GPCPD1: variants seen among roughly 807,000 people sequenced by gnomAD.
The protein encoded by GPCPD1 is glycerophosphocholine phosphodiesterase 1.
A neutral mutation model predicts 89.2 loss-of-function variants in GPCPD1; 29 were observed. The ratio of observed to expected loss-of-function variants is 0.33; its 90% CI spans 0.24 to 0.44. The LOEUF is 0.44. Ranked by LOEUF, GPCPD1 falls within the 20% of genes least tolerant of loss-of-function variation. The pLI is 1.00. For missense variants in GPCPD1, 594 were observed against 808.9 expected, an observed-to-expected ratio of 0.73 and a Z score of 3.22; for synonymous variants, 258 against 266.3, an observed-to-expected ratio of 0.97 and a Z score of 0.30.
intron 11 of GPCPD1, among the ~76,000 whole-genome samples, chr20:5,572,377 G>A (rs1233561153): frequency 6.6e-6 from 1 of 152,130 alleles, no homozygotes; most frequent in East Asian, 1.9e-4. Context: ...AATTCAAGAT[G>A]TCATGAATTT....
chr20:5,610,336 A>G (rs1980880523), intron 1 of GPCPD1, among the ~76,000 whole-genome samples: 1 of 152,176 alleles, frequency 6.6e-6, no homozygotes, highest in Admixed American at 6.5e-5. Flanking sequence ...ACTGAATTAT[A>G]CAAGCATGCC....
chr20:5,591,297 G>A (rs746570389), intron 4 of GPCPD1, among the ~76,000 whole-genome samples: 10 of 152,174 alleles, frequency 6.6e-5, no homozygotes, highest in Non-Finnish European at 1.5e-4. Flanking sequence ...AAAGGAATAT[G>A]CCAGAAAAAG....
intron 8 of GPCPD1, 120 bp downstream of exon 8, chr20:5,578,260 G>A (rs1978304379): frequency 1.5e-6 from 1 of 663,254 alleles, no homozygotes; most frequent in Admixed American, 2.4e-5. Context: ...CTGTACAGAA[G>A]AGCATACCTC....
rs769461751 is a variant in GPCPD1, at chr20:5,559,954, T to C, written c.1518A>G (p.Ala506=). ...KRRIVFSSFD[A]DICTMVRQKQ... ...GTATTACTCACATTGTGCAAATATC[T>C]GCATCAAATGAAGAAAACACTATTC... The change falls in exon 17 of 20, where the codon GCA becomes GCG. Residue 506 remains alanine (A), a synonymous_variant. Coordinates refer to ENST00000379019, the MANE Select transcript of GPCPD1 (RefSeq NM_019593.5). 2 of 1,546,376 alleles carry C rather than the reference T, an allele frequency of 1.3e-6. No homozygotes were observed. The highest frequency in any genetic ancestry group is 1.8e-6 in the Non-Finnish European group (2 of 1,139,108).
At chr20:5,549,748 CAA>C (rs397864689) in intron 19 of GPCPD1, among the ~76,000 whole-genome samples, 18,209 of 95,152 alleles carry the variant, frequency 0.19, 849 homozygotes, top group Middle Eastern at 0.27. Context: ...GAACCTGCCT[CAA>C]AAAAAAAAAA....
intron 3 of GPCPD1, among the ~76,000 whole-genome samples, chr20:5,596,267 G>C (rs935440038): frequency 2.0e-5 from 3 of 152,088 alleles, no homozygotes; most frequent in Admixed American, 6.6e-5. Context: ...GGGCATGATG[G>C]TGTACACCTA....
At chr20:5,608,007 A>G (rs991406866) in intron 1 of GPCPD1, among the ~76,000 whole-genome samples, 4 of 148,576 alleles carry the variant, frequency 2.7e-5, no homozygotes, top group African/African-American at 4.9e-5. Context: ...ACATGATTAA[A>G]TAGTTTGTAT....
intron 8 of GPCPD1, among the ~76,000 whole-genome samples, chr20:5,576,664 A>G (rs1407021235): frequency 6.6e-6 from 1 of 152,148 alleles, no homozygotes; most frequent in African/African-American, 2.4e-5. Context: ...ATGTTGTTGT[A>G]AGACTAAGAT....
intron 19 of GPCPD1, among the ~76,000 whole-genome samples, chr20:5,552,650 T>A (rs1985493448): frequency 6.6e-6 from 1 of 152,256 alleles, no homozygotes; most frequent in African/African-American, 2.4e-5. Flanking sequence ...CCAAATTATT[T>A]AAAATTTTAA....
chr20:5,566,599 T>C, intron 14 of GPCPD1, 134 bp downstream of exon 14: 6 of 605,056 alleles, frequency 9.9e-6, no homozygotes, highest in Non-Finnish European at 1.8e-5. Flanking sequence ...TTCCGAACTA[T>C]AAAATTACAT....
intron 19 of GPCPD1, among the ~76,000 whole-genome samples, chr20:5,553,586 A>T (rs1322566447): frequency 2.6e-5 from 4 of 152,356 alleles, no homozygotes; most frequent in Admixed American, 1.3e-4. Flanking sequence ...TTATGAATGC[A>T]AAGTCCTTGA....
At chr20:5,608,456 C>T (rs1290228932) in intron 1 of GPCPD1, among the ~76,000 whole-genome samples, 1 of 152,174 alleles carries the variant, frequency 6.6e-6, no homozygotes, top group African/African-American at 2.4e-5. Context: ...GTTCCAAATG[C>T]AATTCACTTG....
At chr20:5,577,065 G>GC (rs1240328927) in intron 8 of GPCPD1, among the ~76,000 whole-genome samples, 1 of 113,878 alleles carries the variant, frequency 8.8e-6, no homozygotes, top group Non-Finnish European at 1.7e-5. Context: ...TTTTTTTTTT[G>GC]TTTTTTTTTT....
At chr20:5,553,402 A>C (rs1337542161) in intron 19 of GPCPD1, among the ~76,000 whole-genome samples, 3 of 152,084 alleles carry the variant, frequency 2.0e-5, no homozygotes, top group Non-Finnish European at 4.4e-5. Flanking sequence ...ACACATCCAT[A>C]CTGAAATCAG....
chr20:5,572,062 TACA>T (rs574971565), intron 11 of GPCPD1, among the ~76,000 whole-genome samples: 129 of 151,818 alleles, frequency 8.5e-4, no homozygotes, highest in Non-Finnish European at 2.4e-4. Context: ...CTACAAAAAA[TACA>T]ACAATTAGCC....
intron 19 of GPCPD1, among the ~76,000 whole-genome samples, chr20:5,550,720 T>C (rs556077359): frequency 3.2e-4 from 48 of 152,370 alleles, no homozygotes; most frequent in African/African-American, 1.1e-3. Context: ...ACAGCCATGA[T>C]ATTTCTGGAC....
rs180949229 is a variant in GPCPD1 at position 5,556,605 on chromosome 20, T to C, written c.1829+1340A>G. On this transcript the variant is annotated intron_variant, in intron 19 of 19. Coordinates refer to ENST00000379019, the MANE Select transcript of GPCPD1 (RefSeq NM_019593.5). The stretch of plus-strand genomic sequence containing the variant: ...TCACTATCGCTGAGGTACACCTGTA[T>C]GAGCAAGTCTGCTAATCCCTCAGCA... Among the ~76,000 whole-genome samples, 1,520 of 152,352 alleles carry C rather than the reference T, an allele frequency of 1.0e-2. 17 individuals are homozygous for C. The highest frequency in any genetic ancestry group is 0.015 in the Non-Finnish European group (988 of 68,022).
At chr20:5,558,265 C>T (rs1047699088) in intron 18 of GPCPD1, among the ~76,000 whole-genome samples, 160 bp from the exon 19 acceptor site, 1 of 152,044 alleles carries the variant, frequency 6.6e-6, no homozygotes, top group Non-Finnish European at 1.5e-5. Context: ...TTAATGGACA[C>T]TTCATACATA....
chr20:5,547,904 T>G, intron 19 of GPCPD1, 54 bp from the exon 20 acceptor site: 1 of 937,378 alleles, frequency 1.1e-6, no homozygotes, highest in South Asian at 2.1e-5. Context: ...ATGGTTTACC[T>G]AAGACCTGCC....
Sources: allele counts gnomAD v4.1 joint callset (sites outside exome capture counted in the v4.1 genomes callset), GRCh38; gene constraint gnomAD v4.1.1; transcripts MANE v1.5; gene names NCBI Gene and HGNC (gene_info 2026-07-23, HGNC 2026-07-21).